AGBL4: variants seen among roughly 807,000 people sequenced by gnomAD.
The protein encoded by AGBL4 is cytosolic carboxypeptidase 6.
Under a neutral mutation model 66.4 loss-of-function variants are expected in AGBL4, and 58 were observed. That is an observed-to-expected ratio of 0.87 (90% CI 0.71 to 1.09). The LOEUF is 1.09. AGBL4 is among the 50% of genes least tolerant of loss of function. The pLI is 0.00. For missense variants in AGBL4, 579 were observed against 631.0 expected, an observed-to-expected ratio of 0.92 and a Z score of 0.88; for synonymous variants, 234 against 222.9, an observed-to-expected ratio of 1.05 and a Z score of -0.44.
At chr1:49,819,550 G>A (rs1645314806) in intron 2 of AGBL4, among the ~76,000 whole-genome samples, 1 of 152,052 alleles carries the variant, frequency 6.6e-6, no homozygotes, top group Admixed American at 6.6e-5. Flanking sequence ...CTGATTCCTA[G>A]ATAATACCAA....
intron 5 of AGBL4, among the ~76,000 whole-genome samples, chr1:49,000,785 G>A (rs1661342405): frequency 6.6e-6 from 1 of 152,110 alleles, no homozygotes; most frequent in Non-Finnish European, 1.5e-5. Flanking sequence ...GGAAATTTTG[G>A]TTATATTTGC....
chr1:48,769,572 A>ACAC (rs1553230018), intron 6 of AGBL4, among the ~76,000 whole-genome samples: 6 of 62,734 alleles, frequency 9.6e-5, no homozygotes, highest in East Asian at 3.6e-4. Context: ...CACACACACA[A>ACAC]GTTAAATTTT....
intron 6 of AGBL4, among the ~76,000 whole-genome samples, chr1:48,823,265 G>A (rs1419904862): frequency 6.6e-6 from 1 of 152,098 alleles, no homozygotes; most frequent in Non-Finnish European, 1.5e-5. Flanking sequence ...ATCACCTCTG[G>A]TTCCCTCTGT....
chr1:49,336,262 T>C (rs1024099014), intron 3 of AGBL4, among the ~76,000 whole-genome samples: 2 of 152,080 alleles, frequency 1.3e-5, no homozygotes, highest in Non-Finnish European at 2.9e-5. Flanking sequence ...AGTCTGACTT[T>C]GATCCAAGGC....
chr1:49,941,837 C>A (rs1481700434), intron 1 of AGBL4, among the ~76,000 whole-genome samples: 3 of 151,820 alleles, frequency 2.0e-5, no homozygotes, highest in Non-Finnish European at 4.4e-5. Context: ...ACAAGGATAC[C>A]CATTCTCATC....
intron 3 of AGBL4, among the ~76,000 whole-genome samples, chr1:49,543,393 G>C (rs1467915075): frequency 6.6e-6 from 1 of 151,974 alleles, no homozygotes; most frequent in Non-Finnish European, 1.5e-5. Flanking sequence ...TTTGTTGTAG[G>C]TAAAAGAAAC....
chr1:48,561,246 T>TTTCC (rs1281512010), intron 11 of AGBL4, among the ~76,000 whole-genome samples: 3 of 152,120 alleles, frequency 2.0e-5, no homozygotes. Context: ...CTTCTTTCTC[T>TTTCC]TTCCTTCCTT....
intron 4 of AGBL4, among the ~76,000 whole-genome samples, chr1:49,102,816 T>A (rs1645228027): frequency 6.6e-6 from 1 of 152,116 alleles, no homozygotes; most frequent in African/African-American, 2.4e-5. Flanking sequence ...TGAACTTGGG[T>A]CTCTTGACTC....
At chr1:49,530,273 C>CAAAACAA (rs1651010174) in intron 3 of AGBL4, among the ~76,000 whole-genome samples, 2 of 111,928 alleles carry the variant, frequency 1.8e-5, no homozygotes, top group African/African-American at 7.2e-5. Context: ...AAAAAAAAAA[C>CAAAACAA]AAAAAAAAAC....
chr1:49,581,691 A>G (rs1202654324), intron 3 of AGBL4, among the ~76,000 whole-genome samples: 1 of 152,112 alleles, frequency 6.6e-6, no homozygotes, highest in Non-Finnish European at 1.5e-5. Flanking sequence ...GGATATTTGA[A>G]TGCCAGATGG....
chr1:49,477,275 G>A (rs1433860723), intron 3 of AGBL4, among the ~76,000 whole-genome samples: 2 of 152,054 alleles, frequency 1.3e-5, no homozygotes, highest in Admixed American at 1.3e-4. Flanking sequence ...ACAGTGCTAT[G>A]CTGGCTTCAG....
chr1:48,898,661 T>A (rs1570952028), intron 5 of AGBL4, among the ~76,000 whole-genome samples: 2 of 131,676 alleles, frequency 1.5e-5, no homozygotes, highest in South Asian at 2.5e-4. Flanking sequence ...ATTTTTTTTT[T>A]ATGCCAGTAC....
intron 5 of AGBL4, among the ~76,000 whole-genome samples, chr1:49,008,400 A>C (rs1410965241): frequency 6.6e-6 from 1 of 151,754 alleles, no homozygotes; most frequent in Non-Finnish European, 1.5e-5. Flanking sequence ...ACTTGCAAAG[A>C]GACTTAGACT....
chr1:48,828,488 T>C (rs1318547962), intron 6 of AGBL4, among the ~76,000 whole-genome samples: 2 of 152,190 alleles, frequency 1.3e-5, no homozygotes, highest in Non-Finnish European at 1.5e-5. Flanking sequence ...CTGAGTTTCT[T>C]TACCATTTCC....
chr1:48,654,063 G>A (rs1022026746), intron 7 of AGBL4, among the ~76,000 whole-genome samples: 3 of 152,170 alleles, frequency 2.0e-5, no homozygotes, highest in East Asian at 3.9e-4. Flanking sequence ...TTGCCTTCCC[G>A]GCTTCTCACT....
intron 3 of AGBL4, among the ~76,000 whole-genome samples, chr1:49,633,816 T>C (rs1645616792): frequency 6.7e-6 from 1 of 149,166 alleles, no homozygotes; most frequent in Non-Finnish European, 1.5e-5. Flanking sequence ...AAAAATTATA[T>C]AGTAGTATAT....
intron 3 of AGBL4, among the ~76,000 whole-genome samples, chr1:49,302,608 T>TTTTTTATTTTA (rs1644770410): frequency 9.1e-6 from 1 of 110,126 alleles, no homozygotes; most frequent in Non-Finnish European, 1.9e-5. Context: ...TTATTTTATT[T>TTTTTTATTTTA]TTTTATTTTA....
At chr1:49,486,614 AC>A (rs1245068928) in intron 3 of AGBL4, among the ~76,000 whole-genome samples, 1 of 151,790 alleles carries the variant, frequency 6.6e-6, no homozygotes, top group African/African-American at 2.4e-5. Context: ...CATTTCCCTC[AC>A]TACCTATTTC....
chr1:49,130,382 C>T (rs1645864770), intron 4 of AGBL4, among the ~76,000 whole-genome samples: 2 of 152,104 alleles, frequency 1.3e-5, no homozygotes, highest in South Asian at 2.1e-4. Flanking sequence ...ACATGAAGTC[C>T]TTGCCCATGC....
Sources: gnomAD v4.1 joint callset for allele counts (sites outside exome capture counted in the v4.1 genomes callset) on GRCh38, gnomAD v4.1.1 for gene constraint, MANE v1.5 for transcripts, NCBI Gene and HGNC (gene_info 2026-07-23, HGNC 2026-07-21) for gene names.